The following NDST2 variants were observed in gnomAD, a reference collection of about 807,000 sequenced individuals.
NDST2 encodes bifunctional heparan sulfate N-deacetylase/N-sulfotransferase 2.
NDST2 carries 32 observed loss-of-function variants against 86.9 expected under a neutral mutation model. The observed-to-expected ratio is 0.37, with a 90% CI of 0.28 to 0.49. The LOEUF (loss-of-function observed/expected upper bound fraction) is 0.49, where lower values mean the gene tolerates loss of function less well. NDST2 is among the 20% of genes least tolerant of loss of function. The pLI is 0.97. For missense variants in NDST2, 950 were observed against 1,146.9 expected, an observed-to-expected ratio of 0.83 and a Z score of 2.48; for synonymous variants, 409 against 437.0, an observed-to-expected ratio of 0.94 and a Z score of 0.80.
chr10:73,802,469 C>T lies in NDST2; in HGVS notation c.2634G>A (p.Gln878=). The T allele has an allele frequency of 1.2e-6, 2 of 1,613,214 alleles. No homozygotes were observed. Among genetic ancestry groups the T allele is most frequent in the South Asian group, 1.1e-5 (1 of 91,036 alleles). ...PVPSWLREEL[Q]HSSLG ...TGGGACATCAGCCCAGACTGGAATG[C>T]TGCAGTTCTTCCCGAAGCCACGAGG... The change falls in exon 15 of 15, where the codon CAG becomes CAA. Residue 878 remains glutamine (Q), a synonymous_variant. Transcript: ENST00000309979.
chr10:73,804,698 G>C (rs1312254561), intron 9 of NDST2, 75 bp downstream of exon 9: 1 of 863,054 alleles, frequency 1.2e-6, no homozygotes, highest in African/African-American at 1.7e-5. Context: ...TACCTGGAGA[G>C]AGAAGAGAGT....
In NDST2 at chr10:73,808,533, G is replaced by T; in HGVS notation, c.-145C>A. ...CCTTGGGGAGTTTCCTTTACGAGGT[G>T]GAGACGAGTCCCCTTAGCATAGGGT... On this transcript the variant is annotated 5_prime_UTR_variant, in exon 3 of 15. Coordinates refer to ENST00000309979, the MANE Select transcript of NDST2 (RefSeq NM_003635.4). This position sits in a 1 kb window ranked among gnomAD's most constrained non-coding sequence, Gnocchi z 4.3. 1.3e-6 allele frequency: 1 copy of T among 782,324 alleles called. No individual in the cohort carries two copies. Among genetic ancestry groups the T allele is most frequent in the Non-Finnish European group, 2.0e-6 (1 of 509,194 alleles). 48.5% of individuals were successfully genotyped at this position (782,324 alleles called of 1,614,324 possible).
rs2084045976 is a variant in NDST2 at position 73,803,600 on chromosome 10, C to T, written c.2116G>A (p.Ala706Thr). The change falls in exon 11 of 15, where the codon GCT becomes ACT. Residue 706 changes from alanine (A) to threonine (T), a missense_variant. By Grantham distance (58) the Ala-to-Thr change is moderately conservative. Transcript: ENST00000309979. ...AKIITVLTNP[A>T]DRAYSWYQHQ... Reference sequence around the variant, plus strand: ...TGGTACCAGGAGTAGGCCCTGTCAGCAGGGTTGGTGAGCACTGTGATGATC... The same window carrying T: ...TGGTACCAGGAGTAGGCCCTGTCAGTAGGGTTGGTGAGCACTGTGATGATC... 1 of 1,611,256 alleles carries T rather than the reference C, an allele frequency of 6.2e-7. No individual in the cohort carries two copies. Among genetic ancestry groups the T allele is most frequent in the Non-Finnish European group, 8.5e-7 (1 of 1,178,976 alleles).
chr10:73,803,533 C>T (rs758322044), intron 11 of NDST2, 41 bp downstream of exon 11: 8 of 860,044 alleles, frequency 9.3e-6, no homozygotes, highest in South Asian at 1.3e-5. Flanking sequence ...CTCCCCCCTC[C>T]CCCCAACCTT....
At position 73,803,287 on chromosome 10, in the gene NDST2, T is replaced by C. The variant is rs759140501; in HGVS notation, c.2215A>G (p.Thr739Ala). 6.2e-6 allele frequency: 10 copies of C among 1,613,656 alleles called. No individual in the cohort carries two copies. The highest frequency in any genetic ancestry group is 1.6e-4 in the Middle Eastern group (1 of 6,084). Residue 739 changes from threonine (T) to alanine (A), a missense_variant, in exon 12 of 15, where the codon ACC becomes GCC. By Grantham distance (58) the Thr-to-Ala change is moderately conservative. Transcript: ENST00000309979. ...FYQVISASSQ[T>A]PLALRSLQNR... ...TGCAGGGAGCGTAGTGCCAGAGGGG[T>C]CTGGGAGGAGGCTGAAATCACCTGA... is the stretch of plus-strand genomic sequence containing the variant.
In NDST2 at chr10:73,806,600, G is replaced by C; in HGVS notation, c.1248+57C>G. ...GGAAAAGGGTAGCCCATTAGGGGAA[G>C]GTAGAAAAGGAAGCATGGCTGGGAG... On this transcript the variant is annotated intron_variant, in intron 5 of 14. Transcript: ENST00000309979. The surrounding 1 kb of genome is among the most constrained non-coding windows in gnomAD (Gnocchi z 4.5). The C allele has an allele frequency of 6.3e-7, 1 of 1,596,226 alleles. No homozygotes were observed. The highest frequency in any genetic ancestry group is 8.6e-7 in the Non-Finnish European group (1 of 1,166,120).
intron 9 of NDST2, 116 bp from the exon 10 acceptor site, chr10:73,804,132 G>T: frequency 8.2e-7 from 1 of 1,226,442 alleles, no homozygotes; most frequent in Non-Finnish European, 1.1e-6. Flanking sequence ...AATCCCCTAT[G>T]GCCAAACTAC....
At chr10:73,810,630 G>A (rs1326510502) in intron 2 of NDST2, 169 bp downstream of exon 2, 1 of 390,350 alleles carries the variant, frequency 2.6e-6, no homozygotes. Flanking sequence ...CTGACGGGAA[G>A]TTGATACTCA....
In NDST2 at chr10:73,802,237, C is replaced by T; in HGVS notation, c.*214G>A. ...TCCCAAGATGATGGGTCAAAGGTAC[C>T]TAGCACTATTATGTGGGGTACCAAA... On this transcript the variant is annotated 3_prime_UTR_variant, in exon 15 of 15. Coordinates refer to ENST00000309979, the MANE Select transcript of NDST2 (RefSeq NM_003635.4). 6.6e-6 allele frequency: 4 copies of T among 607,532 alleles called. No individual in the cohort carries two copies. The South Asian group carries it at 8.1e-5, about 12-fold the overall frequency. 37.6% of individuals were successfully genotyped at this position (607,532 alleles called of 1,614,324 possible). A position where few individuals can be genotyped will look rare whatever the true frequency, so the allele number is the denominator to read the frequency against.
intron 8 of NDST2, among the ~76,000 whole-genome samples, chr10:73,805,366 T>G (rs2084081816): frequency 6.6e-6 from 1 of 151,792 alleles, no homozygotes; most frequent in African/African-American, 2.4e-5. Context: ...TACAAAAAAT[T>G]AGCCGGGCGT....
intron 7 of NDST2, 35 bp from the exon 8 acceptor site, chr10:73,805,804 C>T: frequency 6.2e-7 from 1 of 1,613,278 alleles, no homozygotes; most frequent in Non-Finnish European, 8.5e-7. Flanking sequence ...ATTTGGAGAG[C>T]CTACCCCACC....
At chr10:73,810,054 A>ACT (rs1230344576) in intron 2 of NDST2, among the ~76,000 whole-genome samples, 1 of 151,894 alleles carries the variant, frequency 6.6e-6, no homozygotes, top group Non-Finnish European at 1.5e-5. Flanking sequence ...CACTATCCCC[A>ACT]CTCAGCCTCC....
Position 73,806,036 on chromosome 10 carries a change from G to A in NDST2, c.1435-8C>T, listed in dbSNP as rs1052090035. ...TGTCTGCCGGGGCAGCACCTGGAGG[G>A]AAAAGAAAAAACAGATGAGATTTGA... On this transcript the variant is annotated splice_polypyrimidine_tract_variant and splice_region_variant and intron_variant, in intron 6 of 14. Transcript: ENST00000309979. The surrounding 1 kb of genome is among the most constrained non-coding windows in gnomAD (Gnocchi z 4.5). 16 of 1,607,872 alleles carry A rather than the reference G, an allele frequency of 1.0e-5. No individual in the cohort carries two copies. The highest frequency in any genetic ancestry group is 1.7e-5 in the Admixed American group (1 of 58,144).
chr10:73,803,352 C>T lies in NDST2; in HGVS notation c.2150G>A (p.Arg717Gln), dbSNP rs775029300. Reference protein sequence around the residue: ...DRAYSWYQHQRAHGDPVALNY... With the variant: ...DRAYSWYQHQQAHGDPVALNY... ...CAGAGCAACTGGGTCTCCATGGGCT[C>T]GCTGATGCTGAAGGACAAAGAGAAG... The change falls in exon 12 of 15, where the codon CGA becomes CAA. Residue 717 changes from arginine (R) to glutamine (Q), a missense_variant. By Grantham distance (43) the Arg-to-Gln change is conservative (BLOSUM62 1). Coordinates refer to ENST00000309979, the MANE Select transcript of NDST2 (RefSeq NM_003635.4). 17 of 1,613,966 alleles carry T rather than the reference C, an allele frequency of 1.1e-5. No individual in the cohort carries two copies. In the African/African-American group the frequency reaches 1.3e-4, roughly 13 times the overall value.
rs59927511 is a variant in NDST2, at chr10:73,810,375, T to C, written c.-342+424A>G. Reference sequence around the variant, plus strand: ...CAGGAGGCTGAGGCAGGAGAATCACTTGAACGTGGGAGGCGGAAATTGCAG... The same window carrying C: ...CAGGAGGCTGAGGCAGGAGAATCACCTGAACGTGGGAGGCGGAAATTGCAG... On this transcript the variant is annotated intron_variant, in intron 2 of 14. Coordinates refer to ENST00000309979, the MANE Select transcript of NDST2 (RefSeq NM_003635.4). Among the ~76,000 whole-genome samples, 1,329 of 152,042 alleles carry C rather than the reference T, an allele frequency of 8.7e-3. 17 individuals carry two copies. The highest frequency in any genetic ancestry group is 0.031 in the African/African-American group (1,265 of 41,448).
At position 73,806,390 on chromosome 10, in the gene NDST2, C is replaced by A. The variant is rs1464937528; in HGVS notation, c.1333G>T (p.Ala445Ser). The A allele has an allele frequency of 1.9e-6, 3 of 1,614,046 alleles. No homozygotes were observed. The highest frequency in any genetic ancestry group is 1.7e-5 in the Admixed American group (1 of 60,008). Reference sequence around the variant, plus strand: ...TGGATGCCCCACACGGATTTCCAGGCCTCATAGAGCTGCGTGTGGATGGGG... The same window carrying A: ...TGGATGCCCCACACGGATTTCCAGGACTCATAGAGCTGCGTGTGGATGGGG... ...VYPIHTQLYE[A>S]WKSVWGIQVT... Residue 445 changes from alanine (A) to serine (S), a missense_variant, in exon 6 of 15, where the codon GCC becomes TCC. Physicochemically the swap from Ala to Ser is moderately conservative, Grantham distance 99. Transcript: ENST00000309979. This position sits in a 1 kb window ranked among gnomAD's most constrained non-coding sequence, Gnocchi z 4.5.
At chr10:73,803,519 T>TGGGGTGGGGG in intron 11 of NDST2, 55 bp downstream of exon 11, 1 of 565,896 alleles carries the variant, frequency 1.8e-6, no homozygotes, top group Non-Finnish European at 3.4e-6. Flanking sequence ...GCAGTCACTG[T>TGGGGTGGGGG]CCCCTCCCCC....
In NDST2 at chr10:73,805,736, C is replaced by T; in HGVS notation, c.1597G>A (p.Gly533Arg). The T allele has an allele frequency of 1.2e-6, 2 of 1,614,220 alleles. No individual in the cohort carries two copies. The highest frequency in any genetic ancestry group is 1.7e-6 in the Non-Finnish European group (2 of 1,180,048). ...GTGTATAGGCCCAGCCGGTCATTTC[C>T]ATAATTGGACAGATGGGTCATAAAG... ...SIFMTHLSNY[G>R]NDRLGLYTFE... Residue 533 changes from glycine to arginine, a missense_variant, in exon 8 of 15, where the codon GGA becomes AGA. Coordinates refer to ENST00000309979, the MANE Select transcript of NDST2 (RefSeq NM_003635.4).
intron 8 of NDST2, among the ~76,000 whole-genome samples, chr10:73,805,149 C>T (rs920603925): frequency 1.3e-5 from 2 of 151,934 alleles, no homozygotes; most frequent in Non-Finnish European, 2.9e-5. Context: ...GATCTGCCTG[C>T]CTCGGCCTCC....
Sources: gnomAD v4.1 joint callset for allele counts (sites outside exome capture counted in the v4.1 genomes callset) on GRCh38, gnomAD v4.1.1 for gene constraint, Gnocchi (gnomAD v3.1) non-coding constraint, MANE v1.5 for transcripts, NCBI Gene and HGNC (gene_info 2026-07-23, HGNC 2026-07-21) for gene names.